The following UNC80 variants were observed in gnomAD, a reference collection of about 807,000 sequenced individuals.
The protein encoded by UNC80 is protein unc-80 homolog.
Under a neutral mutation model 384.6 loss-of-function variants are expected in UNC80, and 164 were observed. The observed-to-expected ratio is 0.43, with a 90% confidence interval of 0.38 to 0.49. The LOEUF is 0.49. UNC80 is among the 20% of genes least tolerant of loss of function. The pLI is 0.00. For missense variants in UNC80, 3,330 were observed against 4,143.0 expected, an observed-to-expected ratio of 0.80 and a Z score of 5.39; for synonymous variants, 1,486 against 1,527.8, an observed-to-expected ratio of 0.97 and a Z score of 0.64.
intron 28 of UNC80, among the ~76,000 whole-genome samples, chr2:209,903,760 T>C (rs896083783): frequency 6.7e-6 from 1 of 149,524 alleles, no homozygotes; most frequent in African/African-American, 2.5e-5. Context: ...TACACATTTA[T>C]TAGCTTATAG....
intron 56 of UNC80, among the ~76,000 whole-genome samples, chr2:209,975,595 G>A (rs2092992369): frequency 6.6e-6 from 1 of 152,178 alleles, no homozygotes; most frequent in African/African-American, 2.4e-5. Context: ...AGGGAACTGG[G>A]AAGGAAAAGG....
intron 31 of UNC80, among the ~76,000 whole-genome samples, chr2:209,915,874 G>A (rs1315032812): frequency 6.6e-6 from 1 of 152,050 alleles, no homozygotes; most frequent in Non-Finnish European, 1.5e-5. Context: ...CTAGAAGACA[G>A]GACTTGAAAT....
At chr2:209,877,036 G>A (rs2124889417) in intron 23 of UNC80, among the ~76,000 whole-genome samples, 1 of 152,262 alleles carries the variant, frequency 6.6e-6, no homozygotes, top group South Asian at 2.1e-4. Context: ...GATACAGAAA[G>A]AAAGAAGAAA....
chr2:209,933,130 A>G (rs1453491191), intron 38 of UNC80, among the ~76,000 whole-genome samples: 1 of 152,206 alleles, frequency 6.6e-6, no homozygotes, highest in African/African-American at 2.4e-5. Flanking sequence ...TATTCCAATT[A>G]TAGTCAGTCC....
chr2:209,885,156 A>G (rs2085667654), intron 25 of UNC80, among the ~76,000 whole-genome samples: 1 of 152,178 alleles, frequency 6.6e-6, no homozygotes, highest in Non-Finnish European at 1.5e-5. Context: ...ATTCATAGCT[A>G]CCAAGACAAA....
rs557777623 is a variant in UNC80, at chr2:209,993,367, G to T, written c.9449G>T (p.Arg3150Leu). 4 of 1,551,678 alleles carry T rather than the reference G, an allele frequency of 2.6e-6. No homozygotes were observed. Among genetic ancestry groups the T allele is most frequent in the African/African-American group, 1.4e-5 (1 of 73,122 alleles). ...RQKTQTEPRN[R>L]QGARLSTTRR... The stretch of plus-strand genomic sequence containing the variant: ...AAAACTCAGACTGAACCCAGAAATC[G>T]CCAAGGGGCTCGGCTGTCAACCACT... Residue 3150 changes from arginine (R) to leucine (L), a missense_variant, in exon 63 of 65, where the codon CGC becomes CTC. This residue lies in a region of UNC80 where 236 missense variants were observed against 254.9 expected (regional missense o/e 0.93). Coordinates refer to ENST00000673920, the MANE Select transcript of UNC80 (RefSeq NM_001371986.1).
intron 28 of UNC80, among the ~76,000 whole-genome samples, chr2:209,903,533 T>TATATATGTAATATATATATAC (rs2087736233): frequency 5.8e-4 from 1 of 1,712 alleles, no homozygotes; most frequent in Non-Finnish European, 1.0e-3. Flanking sequence ...ACTATATATA[T>TATATATGTAATATATATATAC]TATATATAGT....
intron 26 of UNC80, among the ~76,000 whole-genome samples, chr2:209,893,549 A>G (rs943206733): frequency 6.6e-6 from 1 of 152,134 alleles, no homozygotes; most frequent in African/African-American, 2.4e-5. Flanking sequence ...TTGGAATCAC[A>G]TCTCACCCAG....
rs1434592182 is a variant in UNC80 at position 209,984,882 on chromosome 2, A to T, written c.9284A>T (p.Gln3095Leu). Residue 3095 changes from glutamine to leucine, a missense_variant, in exon 61 of 65, where the codon CAG becomes CTG. By Grantham distance (113) the Gln-to-Leu change is moderately radical. Coordinates refer to ENST00000673920, the MANE Select transcript of UNC80 (RefSeq NM_001371986.1). Reference sequence around the variant, plus strand: ...GAACCTAATGTCCTCGATGACTCCCAGGGCCTGGCCGCCGAGGGCAGCCTC... The same window carrying T: ...GAACCTAATGTCCTCGATGACTCCCTGGGCCTGGCCGCCGAGGGCAGCCTC... ...QSEPNVLDDS[Q>L]GLAAEGSLSR... 3 of 1,548,790 alleles carry T rather than the reference A, an allele frequency of 1.9e-6. No homozygotes were observed. The highest frequency in any genetic ancestry group is 1.2e-5 in the South Asian group (1 of 83,914).
intron 15 of UNC80, among the ~76,000 whole-genome samples, chr2:209,830,353 A>C (rs1297646712): frequency 6.6e-6 from 1 of 152,188 alleles, no homozygotes; most frequent in Non-Finnish European, 1.5e-5. Context: ...AAAGACAATA[A>C]ATTAGGATGG....
intron 12 of UNC80, 53 bp from the exon 13 acceptor site, chr2:209,820,258 G>T: frequency 6.8e-7 from 1 of 1,474,758 alleles, no homozygotes; most frequent in Non-Finnish European, 9.0e-7. Flanking sequence ...ATCTCTTTAG[G>T]AAGAGGGAGT....
Position 209,844,449 on chromosome 2 carries a change from T to C in UNC80, c.3454+2003T>C, listed in dbSNP as rs935015584. ...TTCTCTTTCTCTTTTCTTGCTCTTT[T>C]CTTTTCTTTCTTTCTTTCTTTCTTT... On this transcript the variant is annotated intron_variant, in intron 21 of 64. Transcript: ENST00000673920. Among the ~76,000 whole-genome samples the C allele has an allele frequency of 5.4e-5, 5 of 93,294 alleles. No homozygotes were observed. In the East Asian group the frequency reaches 1.3e-3, roughly 25 times the overall value. 61.2% of individuals were successfully genotyped at this position (93,294 alleles called of 152,430 possible). A position where few individuals can be genotyped will look rare whatever the true frequency, so the allele number is the denominator to read the frequency against.
At chr2:209,971,049 C>T (rs2092869730) in intron 54 of UNC80, 92 bp downstream of exon 54, 9 of 1,450,796 alleles carry the variant, frequency 6.2e-6, no homozygotes, top group Non-Finnish European at 8.2e-6. Flanking sequence ...AAAGGCTGGG[C>T]AAAATCTGTG....
At chr2:209,951,167 T>TGAA (rs200596976) in intron 47 of UNC80, among the ~76,000 whole-genome samples, 3,161 of 146,484 alleles carry the variant, frequency 0.022, 99 homozygotes, top group African/African-American at 0.08. Flanking sequence ...AAGACCTGTC[T>TGAA]CAAATAAATT....
At chr2:209,881,537 G>A (rs1255680272) in intron 25 of UNC80, among the ~76,000 whole-genome samples, 2 of 152,156 alleles carry the variant, frequency 1.3e-5, no homozygotes, top group East Asian at 1.9e-4. Flanking sequence ...AGTATTTAGT[G>A]TCTAAAATCC....
chr2:209,826,007 G>A lies in UNC80; in HGVS notation c.2432G>A (p.Arg811Gln), dbSNP rs967185569. Residue 811 changes from arginine to glutamine, a missense_variant, in exon 14 of 65, where the codon CGA (arginine) becomes CAA (glutamine). By Grantham distance (43) the Arg-to-Gln change is conservative. Coordinates refer to ENST00000673920, the MANE Select transcript of UNC80 (RefSeq NM_001371986.1). ...GCAYGCGEGHRGLSGDRLRHQ... is the reference protein window; with the variant it reads ...GCAYGCGEGHQGLSGDRLRHQ... ...GCCTATGGTTGTGGTGAAGGACACCGAGGGCTCTCTGGAGATCGTCTGAGA... is the reference window on the plus strand; with the variant it reads ...GCCTATGGTTGTGGTGAAGGACACCAAGGGCTCTCTGGAGATCGTCTGAGA... The A allele has an allele frequency of 2.1e-5, 33 of 1,550,658 alleles. No individual in the cohort carries two copies. Among genetic ancestry groups the A allele is most frequent in the Non-Finnish European group, 2.8e-5 (32 of 1,146,390 alleles).
At chr2:209,786,033 G>C in intron 4 of UNC80, 33 bp from the exon 5 acceptor site, 1 of 1,607,446 alleles carries the variant, frequency 6.2e-7, no homozygotes, top group Non-Finnish European at 8.5e-7. Context: ...TTACATGTCA[G>C]TTATTGGACA....
In UNC80 at chr2:209,839,534, C is replaced by A; in HGVS notation, c.3250+104C>A. ...GGGCCGAAAAAGAAGACCTTCAAGT[C>A]ATAAGACCTAGACTGACTTCATTCA... On this transcript the variant is annotated intron_variant, in intron 19 of 64. Transcript: ENST00000673920. This position sits in a 1 kb window ranked among gnomAD's most constrained non-coding sequence, Gnocchi z 4.1. 2 of 1,187,326 alleles carry A rather than the reference C, an allele frequency of 1.7e-6. No homozygotes were observed. The highest frequency in any genetic ancestry group is 2.4e-6 in the Non-Finnish European group (2 of 835,042). 73.5% of individuals were successfully genotyped at this position (1,187,326 alleles called of 1,614,324 possible). A position where few individuals can be genotyped will look rare whatever the true frequency, so the allele number is the denominator to read the frequency against.
At chr2:209,880,063 A>G (rs909531364) in intron 24 of UNC80, among the ~76,000 whole-genome samples, 7 of 152,178 alleles carry the variant, frequency 4.6e-5, no homozygotes, top group African/African-American at 1.4e-4. Context: ...ATGGATAACC[A>G]TTTCCTTTCT....
Sources: allele counts gnomAD v4.1 joint callset (sites outside exome capture counted in the v4.1 genomes callset), GRCh38; gene constraint gnomAD v4.1.1; regional missense constraint gnomAD v4.1.1; non-coding constraint Gnocchi (gnomAD v3.1); transcripts MANE v1.5; gene names NCBI Gene and HGNC (gene_info 2026-07-23, HGNC 2026-07-21).